PDK1: variants seen among roughly 807,000 people sequenced by gnomAD.
PDK1 encodes the protein pyruvate dehydrogenase kinase 1, also known as [Pyruvate dehydrogenase (acetyl-transferring)] kinase isozyme 1, mitochondrial.
Under a neutral mutation model 54.2 loss-of-function variants are expected in PDK1, and 39 were observed. That is an observed-to-expected ratio of 0.72 (90% CI 0.56 to 0.94). The LOEUF (loss-of-function observed/expected upper bound fraction) is 0.94. PDK1 is among the 40% of genes least tolerant of loss of function. The pLI is 0.00. For synonymous variants in PDK1, 221 were observed against 207.1 expected (o/e 1.07, Z -0.58); for missense variants, 552 against 566.0 (o/e 0.98, Z 0.25).
chr2:172,660,247 C>G, the PDK1 span, among the ~76,000 whole-genome samples: 1 of 44,218 alleles, frequency 2.3e-5, no homozygotes, highest in Non-Finnish European at 3.9e-5. Context: ...CTCTCTCTCT[C>G]TTTTTTTTTT....
the PDK1 span, among the ~76,000 whole-genome samples, chr2:172,696,114 G>A: frequency 6.7e-6 from 1 of 148,220 alleles, no homozygotes; most frequent in South Asian, 2.1e-4. Context: ...AGAGGTTGCA[G>A]TGAGCCAAGA....
At chr2:172,621,757 C>G in the PDK1 span, among the ~76,000 whole-genome samples, 2 of 144,336 alleles carry the variant, frequency 1.4e-5, no homozygotes, top group Non-Finnish European at 3.0e-5. Flanking sequence ...ATGTTTATAT[C>G]TCATATATGT....
chr2:172,630,501 A>G, the PDK1 span, among the ~76,000 whole-genome samples: 1 of 152,252 alleles, frequency 6.6e-6, no homozygotes, highest in Non-Finnish European at 1.5e-5. Flanking sequence ...AAAACATTTC[A>G]TCATCACAGA....
At chr2:172,719,514 G>A in the PDK1 span, among the ~76,000 whole-genome samples, 2 of 152,194 alleles carry the variant, frequency 1.3e-5, no homozygotes, top group Admixed American at 1.3e-4. Context: ...TGTTAGGTAT[G>A]TAGTGATGTC....
the PDK1 span, among the ~76,000 whole-genome samples, chr2:172,682,781 C>A: frequency 6.6e-6 from 1 of 152,124 alleles, no homozygotes; most frequent in Non-Finnish European, 1.5e-5. Flanking sequence ...GAGTGAAATT[C>A]AGAAGATTAA....
In PDK1 at chr2:172,603,605, G is replaced by T. The variant is rs1033811866; in HGVS notation, c.*7636G>T. On this transcript the variant is annotated 3_prime_UTR_variant, in exon 11 of 11. Transcript: ENST00000282077. The stretch of plus-strand genomic sequence containing the variant: ...CAGTGGGAAGCATGGACCCAAGACC[G>T]AAAGCTCTGGCACTTTATAGCAGTG... 6.6e-6 allele frequency: 1 copy of T among 152,196 alleles called. No homozygotes were observed. The highest frequency in any genetic ancestry group is 1.5e-5 in the Non-Finnish European group (1 of 68,052). The allele number at this position is 152,196 out of a possible 1,614,324, so 9.4% of individuals were successfully genotyped here. A position where few individuals can be genotyped will look rare whatever the true frequency, so the allele number is the denominator to read the frequency against.
the PDK1 span, among the ~76,000 whole-genome samples, chr2:172,651,273 C>A: frequency 6.6e-6 from 1 of 152,198 alleles, no homozygotes; most frequent in African/African-American, 2.4e-5. Context: ...TCTTTGAAAC[C>A]AATGAGAACA....
the PDK1 span, among the ~76,000 whole-genome samples, chr2:172,659,736 G>C: frequency 6.6e-6 from 1 of 152,148 alleles, no homozygotes; most frequent in South Asian, 2.1e-4. Context: ...GTTTCAAACA[G>C]GGCAATGTAG....
the PDK1 span, among the ~76,000 whole-genome samples, chr2:172,635,735 T>C: frequency 3.9e-5 from 6 of 152,284 alleles, no homozygotes; most frequent in African/African-American, 1.2e-4. Context: ...AGTGAACAAA[T>C]GACTTGGGAG....
At position 172,599,945 on chromosome 2, in the gene PDK1, C is replaced by T. The variant is rs1310174389; in HGVS notation, c.*3976C>T. 6.6e-6 allele frequency: 1 copy of T among 152,062 alleles called. No individual in the cohort carries two copies. Among genetic ancestry groups the T allele is most frequent in the African/African-American group, 2.4e-5 (1 of 41,408 alleles). 9.4% of individuals were successfully genotyped at this position (152,062 alleles called of 1,614,324 possible). Reference sequence around the variant, plus strand: ...ATTTAGCAAAAATACAGAGTTTCACCCCAGTAAAATAAACTTCCACGTGAG... The same window carrying T: ...ATTTAGCAAAAATACAGAGTTTCACTCCAGTAAAATAAACTTCCACGTGAG... On this transcript the variant is annotated 3_prime_UTR_variant, in exon 11 of 11. Coordinates refer to ENST00000282077, the MANE Select transcript of PDK1 (RefSeq NM_002610.5).
chr2:172,683,252 C>T, the PDK1 span, among the ~76,000 whole-genome samples: 2 of 150,648 alleles, frequency 1.3e-5, no homozygotes, highest in Non-Finnish European at 2.9e-5. Context: ...GAGGCTGAGG[C>T]AGGAGAATGG....
the PDK1 span, among the ~76,000 whole-genome samples, chr2:172,636,035 C>T: frequency 1.3e-5 from 2 of 152,210 alleles, no homozygotes; most frequent in African/African-American, 2.4e-5. Context: ...GGCGTGGTTT[C>T]GCCTCTTCTC....
chr2:172,686,944 TA>T, the PDK1 span, among the ~76,000 whole-genome samples: 1 of 152,244 alleles, frequency 6.6e-6, no homozygotes, highest in African/African-American at 2.4e-5. Flanking sequence ...ATATCATCTT[TA>T]AAAATCACAC....
chr2:172,677,828 T>C, the PDK1 span, among the ~76,000 whole-genome samples: 3 of 152,218 alleles, frequency 2.0e-5, no homozygotes, highest in Non-Finnish European at 4.4e-5. Flanking sequence ...TAAATATTGA[T>C]TATGGATTTA....
At chr2:172,714,622 CAAT>C in the PDK1 span, among the ~76,000 whole-genome samples, 1 of 62,496 alleles carries the variant, frequency 1.6e-5, no homozygotes, top group African/African-American at 5.5e-5. Flanking sequence ...ATTTGATAAT[CAAT>C]AAAGATAACA....
the PDK1 span, among the ~76,000 whole-genome samples, chr2:172,703,205 C>A: frequency 6.6e-6 from 1 of 152,114 alleles, no homozygotes; most frequent in Non-Finnish European, 1.5e-5. Context: ...CCGGCAACCA[C>A]TGGGAGTTGA....
the PDK1 span, among the ~76,000 whole-genome samples, chr2:172,632,066 A>G: frequency 6.6e-6 from 1 of 152,038 alleles, no homozygotes; most frequent in Non-Finnish European, 1.5e-5. Context: ...GTCTGGGGTA[A>G]GGAGTTCAAG....
chr2:172,640,040 T>C, the PDK1 span, among the ~76,000 whole-genome samples: 1 of 152,134 alleles, frequency 6.6e-6, no homozygotes, highest in Non-Finnish European at 1.5e-5. Context: ...AATGTGAGAA[T>C]ATGGACCAAG....
chr2:172,641,016 TTCTTTTC>T, the PDK1 span, among the ~76,000 whole-genome samples: 125 of 9,532 alleles, frequency 0.013, 2 homozygotes, highest in East Asian at 0.47. Context: ...CTTTCTTTCT[TTCTTTTC>T]TTTTTCTTTC....
Sources: allele counts gnomAD v4.1 joint callset (sites outside exome capture counted in the v4.1 genomes callset), GRCh38; gene constraint gnomAD v4.1.1; transcripts MANE v1.5; gene names NCBI Gene and HGNC (gene_info 2026-07-23, HGNC 2026-07-21).